The following PRELID2 variants were observed in gnomAD, a reference collection of about 807,000 sequenced individuals.
PRELID2 encodes PRELI domain containing 2, also known as PRELI domain-containing protein 2.
PRELID2 carries 25 observed loss-of-function variants against 28.4 expected under a neutral mutation model. The ratio of observed to expected loss-of-function variants is 0.88; its 90% CI spans 0.64 to 1.23. The LOEUF (loss-of-function observed/expected upper bound fraction) is 1.23, where lower values mean the gene tolerates loss of function less well. Ranked by LOEUF, PRELID2 falls within the 50% of genes most tolerant of loss-of-function variation. The probability of loss-of-function intolerance (pLI) is 0.00; values close to 1 mark genes in which losing one functional copy is unlikely to be tolerated. For synonymous variants in PRELID2, 76 were observed against 71.6 expected (o/e 1.06, Z -0.31); for missense variants, 201 against 214.4 (o/e 0.94, Z 0.39).
intron 1 of PRELID2, among the ~76,000 whole-genome samples, chr5:145,565,220 G>A (rs564086625): frequency 2.6e-5 from 4 of 152,300 alleles, no homozygotes; most frequent in African/African-American, 9.6e-5. Context: ...GGGCAGCTTA[G>A]CTTCATCCAA....
intron 1 of PRELID2, among the ~76,000 whole-genome samples, chr5:145,590,709 T>C (rs1427152017): frequency 6.6e-6 from 1 of 152,192 alleles, no homozygotes; most frequent in East Asian, 1.9e-4. Context: ...CAAACTTACC[T>C]TTGTCTATTA....
the PRELID2 span, among the ~76,000 whole-genome samples, chr5:145,232,451 A>G: frequency 1.3e-3 from 198 of 152,252 alleles, 4 homozygotes; most frequent in East Asian, 0.03. Context: ...CCTAGCACTG[A>G]CCTTAGAATG....
chr5:145,828,883 C>T (rs1430132728), intron 1 of PRELID2, among the ~76,000 whole-genome samples: 2 of 139,748 alleles, frequency 1.4e-5, no homozygotes, highest in Non-Finnish European at 1.5e-5. Flanking sequence ...TTGTCATCCA[C>T]GCTGGAGTGC....
chr5:145,663,949 T>A (rs2149678867), intron 1 of PRELID2, among the ~76,000 whole-genome samples: 1 of 152,252 alleles, frequency 6.6e-6, no homozygotes, highest in Non-Finnish European at 1.5e-5. Flanking sequence ...CAAGGCATTT[T>A]CCATACCAGA....
the PRELID2 span, among the ~76,000 whole-genome samples, chr5:145,264,320 A>G: frequency 6.6e-6 from 1 of 152,344 alleles, no homozygotes; most frequent in African/African-American, 2.4e-5. Flanking sequence ...CATACCAGGG[A>G]TGTAGGGATG....
chr5:145,679,457 C>T (rs887110397), intron 1 of PRELID2, among the ~76,000 whole-genome samples: 1 of 152,148 alleles, frequency 6.6e-6, no homozygotes, highest in African/African-American at 2.4e-5. Context: ...CAGCCAATTA[C>T]ATCACTCTAT....
At chr5:145,420,399 T>C in the PRELID2 span, among the ~76,000 whole-genome samples, 1 of 151,626 alleles carries the variant, frequency 6.6e-6, no homozygotes, top group South Asian at 2.1e-4. Context: ...GTATCCTCTT[T>C]TATTTCCTGG....
chr5:145,511,540 G>A (rs866655798), intron 1 of PRELID2, among the ~76,000 whole-genome samples: 1 of 152,190 alleles, frequency 6.6e-6, no homozygotes, highest in African/African-American at 2.4e-5. Flanking sequence ...CTGTTCTTAC[G>A]TGACAGTATG....
intron 1 of PRELID2, among the ~76,000 whole-genome samples, chr5:145,512,072 T>C (rs1211832802): frequency 6.6e-6 from 1 of 152,180 alleles, no homozygotes; most frequent in African/African-American, 2.4e-5. Context: ...ATCCTAGGTC[T>C]CTAACTTGGT....
chr5:145,733,544 ATTTG>A (rs1029243053), intron 1 of PRELID2, among the ~76,000 whole-genome samples: 24 of 152,170 alleles, frequency 1.6e-4, no homozygotes, highest in Non-Finnish European at 4.4e-5. Context: ...CTGATTTACC[ATTTG>A]TTTCTCTAGA....
chr5:145,505,032 C>G (rs1173773994), intron 1 of PRELID2, among the ~76,000 whole-genome samples: 1 of 152,130 alleles, frequency 6.6e-6, no homozygotes, highest in Non-Finnish European at 1.5e-5. Flanking sequence ...CCTTAATCCA[C>G]TAATTTGATA....
At chr5:145,277,378 T>G in the PRELID2 span, among the ~76,000 whole-genome samples, 2 of 152,214 alleles carry the variant, frequency 1.3e-5, no homozygotes, top group Non-Finnish European at 2.9e-5. Flanking sequence ...TCATATTTGA[T>G]GCCTCTGAAA....
intron 5 of PRELID2, among the ~76,000 whole-genome samples, chr5:145,777,471 C>A (rs1345685311): frequency 6.6e-6 from 1 of 152,206 alleles, no homozygotes; most frequent in Admixed American, 6.5e-5. Flanking sequence ...TACCACTCAC[C>A]ACCTGTGCGA....
At chr5:145,508,988 T>C (rs958947083) in intron 1 of PRELID2, among the ~76,000 whole-genome samples, 1 of 152,174 alleles carries the variant, frequency 6.6e-6, no homozygotes, top group Non-Finnish European at 1.5e-5. Flanking sequence ...TTCATAATCA[T>C]AGTCTGTAAA....
At chr5:145,633,802 T>C (rs555223779) in intron 1 of PRELID2, among the ~76,000 whole-genome samples, 3 of 152,286 alleles carry the variant, frequency 2.0e-5, no homozygotes, top group African/African-American at 7.2e-5. Flanking sequence ...CTCACCTCTA[T>C]AGGCAAATGT....
intron 1 of PRELID2, among the ~76,000 whole-genome samples, chr5:145,568,585 T>C (rs1000090967): frequency 6.6e-6 from 1 of 152,208 alleles, no homozygotes; most frequent in Non-Finnish European, 1.5e-5. Context: ...TGAAAATAAA[T>C]GTGACACTGA....
chr5:145,776,460 T>C (rs1032493397), intron 5 of PRELID2, among the ~76,000 whole-genome samples: 10 of 61,514 alleles, frequency 1.6e-4, no homozygotes, highest in Non-Finnish European at 4.8e-4. Context: ...AGTTCTCAAA[T>C]GAAGAAAGAA....
chr5:145,830,345 A>C (rs1755499989), intron 1 of PRELID2, among the ~76,000 whole-genome samples: 1 of 152,238 alleles, frequency 6.6e-6, no homozygotes, highest in Non-Finnish European at 1.5e-5. Flanking sequence ...AAGAAAATCC[A>C]GTCAATATAA....
At chr5:145,741,961 A>AATTTATTTATT (rs1756808824) in intron 1 of PRELID2, among the ~76,000 whole-genome samples, 1 of 71,404 alleles carries the variant, frequency 1.4e-5, no homozygotes, top group Non-Finnish European at 2.7e-5. Flanking sequence ...ATTATAATTA[A>AATTTATTTATT]ATAAATAAAT....
Sources: allele counts gnomAD v4.1 joint callset (sites outside exome capture counted in the v4.1 genomes callset), GRCh38; gene constraint gnomAD v4.1.1; transcripts MANE v1.5; gene names NCBI Gene and HGNC (gene_info 2026-07-23, HGNC 2026-07-21).